BNC2: variants seen among roughly 807,000 people sequenced by gnomAD.
The protein encoded by BNC2 is basonuclin zinc finger protein 2, also known as zinc finger protein basonuclin-2.
In BNC2, 20 loss-of-function variants were observed where a neutral mutation model predicts 76.3. The observed-to-expected ratio is 0.26, with a 90% confidence interval of 0.18 to 0.38. BNC2 has a LOEUF of 0.38. Among genes scored for constraint, BNC2 ranks in the 10% least tolerant of loss-of-function variants. BNC2 has a pLI of 1.00. For synonymous variants in BNC2, 582 were observed against 514.8 expected (o/e 1.13, Z -1.77); for missense variants, 1,382 against 1,399.8 (o/e 0.99, Z 0.20).
chr9:16,708,510 C>A (rs1823742540), intron 3 of BNC2, among the ~76,000 whole-genome samples: 1 of 151,960 alleles, frequency 6.6e-6, no homozygotes, highest in South Asian at 2.1e-4. Flanking sequence ...CAGACACCAA[C>A]CCTGAGTGAG....
At chr9:16,593,019 A>T (rs1238512896) in intron 3 of BNC2, among the ~76,000 whole-genome samples, 1 of 152,192 alleles carries the variant, frequency 6.6e-6, no homozygotes, top group Non-Finnish European at 1.5e-5. Context: ...AAAAGCAAAA[A>T]CAAAAACAAA....
intron 3 of BNC2, among the ~76,000 whole-genome samples, chr9:16,693,987 A>C (rs1325671480): frequency 6.6e-6 from 1 of 152,190 alleles, no homozygotes; most frequent in Non-Finnish European, 1.5e-5. Context: ...AGATGTATTT[A>C]CCTCTAATGA....
intron 1 of BNC2, chr9:16,867,423 G>C (rs1013867944): frequency 1.3e-5 from 2 of 152,050 alleles, no homozygotes; most frequent in Non-Finnish European, 2.9e-5. Flanking sequence ...TAATACAGTT[G>C]AAGTATGCCA....
chr9:16,614,328 C>T (rs894490009), intron 3 of BNC2, among the ~76,000 whole-genome samples: 5 of 152,006 alleles, frequency 3.3e-5, no homozygotes, highest in African/African-American at 1.2e-4. Flanking sequence ...TCATCACAGC[C>T]TCCAAAATCC....
intron 3 of BNC2, chr9:16,685,670 GC>G: frequency 1.6e-6 from 2 of 1,239,706 alleles, no homozygotes; most frequent in South Asian, 2.5e-5. Flanking sequence ...TATGGAGGCT[GC>G]TGAGAACTGC....
intron 3 of BNC2, among the ~76,000 whole-genome samples, chr9:16,621,492 T>C (rs753130906): frequency 5.9e-5 from 9 of 152,224 alleles, no homozygotes; most frequent in Non-Finnish European, 1.0e-4. Context: ...AAAATGTTAA[T>C]GAGAAAGATG....
chr9:16,754,908 T>C (rs1825335984), intron 1 of BNC2, among the ~76,000 whole-genome samples: 3 of 152,168 alleles, frequency 2.0e-5, no homozygotes, highest in Non-Finnish European at 2.9e-5. Flanking sequence ...AGATCATTAT[T>C]AAATGCATCC....
chr9:16,708,898 G>A (rs914576931), intron 3 of BNC2, among the ~76,000 whole-genome samples: 1 of 152,122 alleles, frequency 6.6e-6, no homozygotes, highest in Non-Finnish European at 1.5e-5. Context: ...CTGGGTAGAT[G>A]TCAGGGGACT....
chr9:16,845,921 G>A (rs568372106), intron 1 of BNC2, among the ~76,000 whole-genome samples: 138 of 152,088 alleles, frequency 9.1e-4, no homozygotes, highest in Non-Finnish European at 1.5e-3. Flanking sequence ...AGGCCGAGAC[G>A]GGCGGATCAG....
intron 3 of BNC2, among the ~76,000 whole-genome samples, chr9:16,628,035 T>C (rs936090735): frequency 1.2e-4 from 18 of 152,170 alleles, no homozygotes; most frequent in African/African-American, 3.6e-4. Flanking sequence ...ATGTTTCCAT[T>C]GTCCCTTCAC....
chr9:16,773,272 T>C (rs181403713), intron 1 of BNC2, among the ~76,000 whole-genome samples: 2 of 152,328 alleles, frequency 1.3e-5, no homozygotes, highest in Admixed American at 1.3e-4. Flanking sequence ...CAGTGTCATA[T>C]GAAGGCTTAT....
chr9:16,747,766 CAATT>C (rs1464100198), intron 1 of BNC2, among the ~76,000 whole-genome samples: 1 of 152,198 alleles, frequency 6.6e-6, no homozygotes, highest in East Asian at 1.9e-4. Context: ...AATTAAACAT[CAATT>C]AATATCTGGT....
At chr9:16,574,785 A>C (rs2132916961) in intron 4 of BNC2, among the ~76,000 whole-genome samples, 1 of 152,320 alleles carries the variant, frequency 6.6e-6, no homozygotes, top group South Asian at 2.1e-4. Flanking sequence ...TATTGGGCTA[A>C]CCCTACTCTT....
At chr9:16,735,642 G>T (rs772068576) in intron 2 of BNC2, among the ~76,000 whole-genome samples, 2 of 151,712 alleles carry the variant, frequency 1.3e-5, no homozygotes, top group African/African-American at 4.8e-5. Context: ...GATTACAGGC[G>T]TGTGCCATCA....
intron 4 of BNC2, among the ~76,000 whole-genome samples, chr9:16,559,673 C>T (rs1252502275): frequency 2.0e-5 from 3 of 152,220 alleles, no homozygotes; most frequent in Non-Finnish European, 4.4e-5. Context: ...GTCACCAACA[C>T]CTGCCTTTCT....
intron 5 of BNC2, among the ~76,000 whole-genome samples, chr9:16,468,278 A>G (rs1821738351): frequency 6.6e-6 from 1 of 152,098 alleles, no homozygotes; most frequent in Non-Finnish European, 1.5e-5. Flanking sequence ...ACTGCCCAAG[A>G]CACACTTAGA....
intron 3 of BNC2, among the ~76,000 whole-genome samples, chr9:16,609,426 G>A (rs912185009): frequency 2.0e-5 from 3 of 152,132 alleles, no homozygotes; most frequent in African/African-American, 7.2e-5. Flanking sequence ...GAATCTACAG[G>A]CCCAAAGGTG....
intron 4 of BNC2, among the ~76,000 whole-genome samples, chr9:16,582,153 C>A (rs150627248): frequency 6.6e-6 from 1 of 152,224 alleles, no homozygotes. Context: ...CAAAAAATCT[C>A]AAGCCAGGAT....
chr9:16,782,706 A>G (rs1373674821), intron 1 of BNC2, among the ~76,000 whole-genome samples: 5 of 152,142 alleles, frequency 3.3e-5, no homozygotes, highest in African/African-American at 1.2e-4. Context: ...ACCATTTATC[A>G]TAGTACGTGG....
Sources: gnomAD v4.1 joint callset for allele counts (sites outside exome capture counted in the v4.1 genomes callset) on GRCh38, gnomAD v4.1.1 for gene constraint, MANE v1.5 for transcripts, NCBI Gene and HGNC (gene_info 2026-07-23, HGNC 2026-07-21) for gene names.